TPST1: variants seen among roughly 807,000 people sequenced by gnomAD.
TPST1 encodes the protein tyrosylprotein sulfotransferase 1.
Under a neutral mutation model 34.8 loss-of-function variants are expected in TPST1, and 20 were observed. The observed-to-expected ratio is 0.57, with a 90% CI of 0.40 to 0.84. The LOEUF is 0.84. Among genes scored for constraint, TPST1 ranks in the 40% least tolerant of loss-of-function variants. The pLI, the probability that TPST1 is intolerant of heterozygous loss-of-function variation, is 0.00. For missense variants in TPST1, 353 were observed against 455.5 expected (o/e 0.78, Z 2.05); for synonymous variants, 152 against 159.4 (o/e 0.95, Z 0.35).
chr7:66,320,886 C>G (rs1182626504), intron 3 of TPST1, among the ~76,000 whole-genome samples: 1 of 152,200 alleles, frequency 6.6e-6, no homozygotes, highest in Non-Finnish European at 1.5e-5. Flanking sequence ...TTGTGAGCCA[C>G]CGTGCCCGGC....
intron 1 of TPST1, among the ~76,000 whole-genome samples, chr7:66,227,011 G>A (rs1029617982): frequency 7.5e-6 from 1 of 133,150 alleles, no homozygotes; most frequent in African/African-American, 2.9e-5. Flanking sequence ...GTTTGGTGTT[G>A]GATGCCTTAA....
chr7:66,218,574 G>A (rs1360440978), intron 1 of TPST1, among the ~76,000 whole-genome samples: 5 of 152,106 alleles, frequency 3.3e-5, no homozygotes, highest in East Asian at 1.9e-4. Flanking sequence ...GGCTGGGCGC[G>A]GTGGCTCACG....
In TPST1 at chr7:66,209,807, G is replaced by A. The variant is rs541412082; in HGVS notation, c.-102+4285G>A. ...CTACTCTGGCAGGTAACATGAATGAGTATTGTGACCAGGTATATTTTGATT... is the reference window on the plus strand; with the variant it reads ...CTACTCTGGCAGGTAACATGAATGAATATTGTGACCAGGTATATTTTGATT... On this transcript the variant is annotated intron_variant, in intron 1 of 5. Transcript: ENST00000304842. Among the ~76,000 whole-genome samples the A allele has an allele frequency of 6.6e-5, 10 of 152,278 alleles. 2 individuals carry two copies. The South Asian group carries it at 2.1e-3, about 32-fold the overall frequency.
intron 3 of TPST1, among the ~76,000 whole-genome samples, chr7:66,345,565 A>G (rs1792331858): frequency 6.6e-6 from 1 of 151,700 alleles, no homozygotes. Context: ...TCATAATCAA[A>G]TTGCAGAAAA....
At chr7:66,206,365 G>C (rs1789131783) in intron 1 of TPST1, among the ~76,000 whole-genome samples, 1 of 152,126 alleles carries the variant, frequency 6.6e-6, no homozygotes, top group African/African-American at 2.4e-5. Flanking sequence ...CACATGGTGG[G>C]TGGTCACGCA....
chr7:66,231,346 A>G (rs1455587517), intron 1 of TPST1, among the ~76,000 whole-genome samples: 1 of 152,234 alleles, frequency 6.6e-6, no homozygotes, highest in Non-Finnish European at 1.5e-5. Flanking sequence ...TGCCAGTCCC[A>G]TGCTGTGCGC....
upstream of TPST1, among the ~76,000 whole-genome samples, chr7:66,202,741 G>A (rs376986743): frequency 5.9e-5 from 9 of 152,244 alleles, 1 homozygote; most frequent in East Asian, 7.7e-4. Context: ...TCAGAAGTTC[G>A]AGACTAGCTT....
chr7:66,205,115 G>A (rs1019293933), upstream of TPST1: 3 of 152,232 alleles, frequency 2.0e-5, no homozygotes, highest in Admixed American at 6.5e-5. This position sits in a 1 kb window ranked among gnomAD's most constrained non-coding sequence, Gnocchi z 5.0. Flanking sequence ...CGCACGGGAA[G>A]GGCTGTGGGG....
At position 66,241,027 on chromosome 7, in the gene TPST1, C is replaced by G. The variant is rs533051257; in HGVS notation, c.602C>G (p.Ala201Gly). The G allele has an allele frequency of 1.2e-6, 2 of 1,614,190 alleles. No homozygotes were observed. Among genetic ancestry groups the G allele is most frequent in the South Asian group, 2.2e-5 (2 of 91,080 alleles). Residue 201 changes from alanine to glycine, a missense_variant, in exon 2 of 6, where the codon GCT becomes GGT. Ala to Gly is a moderately conservative substitution (Grantham distance 60). Coordinates refer to ENST00000304842, the MANE Select transcript of TPST1 (RefSeq NM_003596.4). ...HSMISRKVTI[A>G]GFDLNSYRDC... ...ATGATTTCTCGAAAAGTTACTATAG[C>G]TGGATTTGATCTGAACAGCTATAGG...
At chr7:66,326,038 T>C (rs551211690) in intron 3 of TPST1, among the ~76,000 whole-genome samples, 43 of 152,346 alleles carry the variant, frequency 2.8e-4, no homozygotes, top group Middle Eastern at 3.4e-3. Flanking sequence ...TCCAGCAGGT[T>C]GCAATCAGGG....
At chr7:66,227,152 C>T (rs969406727) in intron 1 of TPST1, among the ~76,000 whole-genome samples, 2 of 145,032 alleles carry the variant, frequency 1.4e-5, no homozygotes, top group Admixed American at 1.5e-4. Flanking sequence ...TCTGCCTCAG[C>T]CTCCCGAGTA....
chr7:66,317,240 G>T (rs1008197124), intron 3 of TPST1, among the ~76,000 whole-genome samples: 2 of 152,046 alleles, frequency 1.3e-5, no homozygotes, highest in Admixed American at 1.3e-4. Flanking sequence ...TTACTGATTT[G>T]TGCTACCTAT....
At chr7:66,249,931 A>G (rs974172980) in intron 2 of TPST1, among the ~76,000 whole-genome samples, 3 of 152,182 alleles carry the variant, frequency 2.0e-5, no homozygotes, top group African/African-American at 4.8e-5. Flanking sequence ...TCTGGGATGT[A>G]CTTCCTATGC....
chr7:66,228,497 C>G (rs1395940225), intron 1 of TPST1, among the ~76,000 whole-genome samples: 1 of 152,116 alleles, frequency 6.6e-6, no homozygotes, highest in Non-Finnish European at 1.5e-5. Flanking sequence ...CCTCATGTAT[C>G]ATATATGTAA....
At chr7:66,265,076 G>T (rs996817521) in intron 2 of TPST1, among the ~76,000 whole-genome samples, 3 of 152,046 alleles carry the variant, frequency 2.0e-5, no homozygotes, top group African/African-American at 7.2e-5. Context: ...ACAGGAAGAA[G>T]AAAGAAATTT....
chr7:66,205,351 C>T lies in TPST1; in HGVS notation c.-273C>T, dbSNP rs1477465615. On this transcript the variant is annotated 5_prime_UTR_variant, in exon 1 of 6. Coordinates refer to ENST00000304842, the MANE Select transcript of TPST1 (RefSeq NM_003596.4). The surrounding 1 kb of genome is among the most constrained non-coding windows in gnomAD (Gnocchi z 5.0). Reference sequence around the variant, plus strand: ...ACCGCGGGAGACGCTGCTGAGGCGGCTTCGGTTGCGGGTCGGAACGGCGCT... The same window carrying T: ...ACCGCGGGAGACGCTGCTGAGGCGGTTTCGGTTGCGGGTCGGAACGGCGCT... The T allele has an allele frequency of 6.6e-6, 1 of 152,304 alleles. No individual in the cohort carries two copies. The highest frequency in any genetic ancestry group is 1.5e-5 in the Non-Finnish European group (1 of 68,110). 9.4% of individuals were successfully genotyped at this position (152,304 alleles called of 1,614,324 possible). A position where few individuals can be genotyped will look rare whatever the true frequency, so the allele number is the denominator to read the frequency against.
chr7:66,208,517 G>C (rs938583235), intron 1 of TPST1, among the ~76,000 whole-genome samples: 1 of 151,932 alleles, frequency 6.6e-6, no homozygotes, highest in Non-Finnish European at 1.5e-5. Context: ...TGCCCAGGCT[G>C]GAGTGCAGTG....
intron 2 of TPST1, among the ~76,000 whole-genome samples, chr7:66,273,156 A>C (rs1790737994): frequency 6.6e-6 from 1 of 152,224 alleles, no homozygotes; most frequent in Admixed American, 6.5e-5. Flanking sequence ...TCCAAAAAAG[A>C]AATGATGAAA....
chr7:66,241,397 C>G, intron 2 of TPST1, 127 bp downstream of exon 2: 2 of 1,148,324 alleles, frequency 1.7e-6, no homozygotes, highest in Non-Finnish European at 2.3e-6. Context: ...AACTGAAGAC[C>G]TTTTCTGGAA....
Sources: allele counts gnomAD v4.1 joint callset (sites outside exome capture counted in the v4.1 genomes callset), GRCh38; gene constraint gnomAD v4.1.1; non-coding constraint Gnocchi (gnomAD v3.1); transcripts MANE v1.5; gene names NCBI Gene and HGNC (gene_info 2026-07-23, HGNC 2026-07-21).